Variants in PRKCZ observed in about 807,000 individuals in gnomAD.
PRKCZ encodes the protein protein kinase C zeta type.
In PRKCZ, 33 loss-of-function variants were observed where a neutral mutation model predicts 79.5. The ratio of observed to expected loss-of-function variants is 0.41; its 90% CI spans 0.31 to 0.55. The LOEUF (loss-of-function observed/expected upper bound fraction) is 0.55. Among genes scored for constraint, PRKCZ ranks in the 20% least tolerant of loss-of-function variants. The pLI, the probability that PRKCZ is intolerant of heterozygous loss-of-function variation, is 0.19. For missense variants in PRKCZ, 578 were observed against 813.5 expected, an observed-to-expected ratio of 0.71 and a Z score of 3.52; for synonymous variants, 342 against 320.9, an observed-to-expected ratio of 1.07 and a Z score of -0.70.
intron 1 of PRKCZ, 155 bp downstream of exon 1, chr1:2,050,856 G>T (rs1260109580): frequency 4.6e-6 from 2 of 436,372 alleles, no homozygotes; most frequent in Admixed American, 4.6e-5. Flanking sequence ...GTCCCCGCCC[G>T]TGAGCGTCAC....
At chr1:2,184,497 T>C in intron 16 of PRKCZ, 86 bp from the exon 17 acceptor site, 1 of 938,108 alleles carries the variant, frequency 1.1e-6, no homozygotes, top group East Asian at 2.7e-5. Context: ...ACTGTTTCAT[T>C]TTGTGATTGA....
chr1:2,139,568 G>A (rs1006934047), intron 5 of PRKCZ, among the ~76,000 whole-genome samples: 2 of 152,122 alleles, frequency 1.3e-5, no homozygotes, highest in African/African-American at 4.8e-5. Context: ...CAGCCTGGGC[G>A]ACAGAGCAGG....
chr1:2,099,610 G>A lies in PRKCZ; in HGVS notation c.335-35652G>A, dbSNP rs368784192. On this transcript the variant is annotated intron_variant, in intron 4 of 17. Coordinates refer to ENST00000378567, the MANE Select transcript of PRKCZ (RefSeq NM_002744.6). ...GGCAGCAAGGACCCTGTGGGCAGCC[G>A]GGGGCACGGCACAGGCTGTGGCTGT... 1.8e-4 allele frequency among the ~76,000 whole-genome samples: 27 copies of A among 152,300 alleles called. No individual in the cohort carries two copies. In the South Asian group the frequency reaches 5.2e-3, roughly 29 times the overall value.
At chr1:2,105,094 G>A (rs371769859) in intron 4 of PRKCZ, among the ~76,000 whole-genome samples, 3 of 152,146 alleles carry the variant, frequency 2.0e-5, no homozygotes, top group African/African-American at 7.2e-5. Context: ...CACAGCACAC[G>A]TCTGTCGTGC....
chr1:2,086,218 C>T (rs762418157), intron 4 of PRKCZ, among the ~76,000 whole-genome samples: 6 of 152,036 alleles, frequency 3.9e-5, no homozygotes, highest in Non-Finnish European at 8.8e-5. Flanking sequence ...CCTGCCACCA[C>T]GCCCAGCTAA....
chr1:2,156,180 C>G (rs1295897980), intron 10 of PRKCZ, 88 bp downstream of exon 10: 1 of 1,268,500 alleles, frequency 7.9e-7, no homozygotes, highest in Non-Finnish European at 1.1e-6. Context: ...TGTCAACTGT[C>G]ACCTGTAAGG....
rs189217655 is a variant in PRKCZ at position 2,115,194 on chromosome 1, C to T, written c.335-20068C>T. On this transcript the variant is annotated intron_variant, in intron 4 of 17. Coordinates refer to ENST00000378567, the MANE Select transcript of PRKCZ (RefSeq NM_002744.6). ...GTCGGGCCCCTGTGTGGGGCTTTCC[C>T]GTGGTGTGGGGTGCGGTTCTGCCGT... is the stretch of plus-strand genomic sequence containing the variant. Among the ~76,000 whole-genome samples the T allele has an allele frequency of 1.1e-3, 168 of 152,394 alleles. 2 individuals are homozygous for T. Among genetic ancestry groups the T allele is most frequent in the African/African-American group, 3.9e-3 (163 of 41,598 alleles).
Position 2,121,646 on chromosome 1 carries a change from G to C in PRKCZ, c.335-13616G>C, listed in dbSNP as rs543924374. Among the ~76,000 whole-genome samples the C allele has an allele frequency of 2.3e-4, 28 of 121,714 alleles. 4 individuals are homozygous for C. The highest frequency in any genetic ancestry group is 1.0e-3 in the African/African-American group (26 of 25,672). The allele number at this position is 121,714 out of a possible 152,430, so 79.8% of individuals were successfully genotyped here. A position where few individuals can be genotyped will look rare whatever the true frequency, so the allele number is the denominator to read the frequency against. On this transcript the variant is annotated intron_variant, in intron 4 of 17. Coordinates refer to ENST00000378567, the MANE Select transcript of PRKCZ (RefSeq NM_002744.6). The stretch of plus-strand genomic sequence containing the variant: ...TGGTTAGGGTCACAGTGGTAGTTAG[G>C]GTCACGGTGGTGGTTAGGGTCGTGG...
intron 4 of PRKCZ, among the ~76,000 whole-genome samples, chr1:2,087,388 T>A (rs953801121): frequency 1.3e-5 from 2 of 151,900 alleles, no homozygotes; most frequent in African/African-American, 4.8e-5. Flanking sequence ...CGGCCCCCAT[T>A]CTTGTTTATT....
Position 2,082,122 on chromosome 1 carries a change from G to A in PRKCZ, c.334+22531G>A, listed in dbSNP as rs775665890. On this transcript the variant is annotated intron_variant, in intron 4 of 17. Transcript: ENST00000378567. This position sits in a 1 kb window ranked among gnomAD's most constrained non-coding sequence, Gnocchi z 4.4. Reference sequence around the variant, plus strand: ...AAGGCGCCTAAGTGTCTTTCCACACGGCCATCCGAGGGCGGACGTGGTCAG... The same window carrying A: ...AAGGCGCCTAAGTGTCTTTCCACACAGCCATCCGAGGGCGGACGTGGTCAG... 10 of 317,498 alleles carry A rather than the reference G, an allele frequency of 3.1e-5. No homozygotes were observed. The highest frequency in any genetic ancestry group is 4.8e-5 in the Admixed American group (1 of 20,990). The allele number at this position is 317,498 out of a possible 1,614,324, so 19.7% of individuals were successfully genotyped here.
At chr1:2,145,596 A>T (rs1678333163) in intron 6 of PRKCZ, 1 of 180,998 alleles carries the variant, frequency 5.5e-6, no homozygotes, top group South Asian at 1.0e-4. Flanking sequence ...ACCCATTGTA[A>T]TGTGTAAATA....
chr1:2,158,456 G>C (rs1681552031), intron 10 of PRKCZ, among the ~76,000 whole-genome samples: 1 of 152,226 alleles, frequency 6.6e-6, no homozygotes, highest in Non-Finnish European at 1.5e-5. Flanking sequence ...TGACGGCTCT[G>C]TCCCCTTTCC....
chr1:2,118,593 T>A (rs1671215911), intron 4 of PRKCZ, among the ~76,000 whole-genome samples: 1 of 152,252 alleles, frequency 6.6e-6, no homozygotes, highest in Admixed American at 6.5e-5. Context: ...TGCTTCGGCC[T>A]CCCAAAGTGC....
At chr1:2,083,012 C>G (rs138107574) in intron 4 of PRKCZ, among the ~76,000 whole-genome samples, 13 of 152,272 alleles carry the variant, frequency 8.5e-5, no homozygotes, top group Middle Eastern at 3.4e-3. Context: ...TCCCTCTCCT[C>G]ATGTCCTAAT....
intron 6 of PRKCZ, chr1:2,145,404 CAG>C (rs1185969449): frequency 1.3e-5 from 2 of 152,340 alleles, no homozygotes; most frequent in South Asian, 2.1e-4. Flanking sequence ...AGCTTTGGGA[CAG>C]GGGAGATGAC....
At chr1:2,056,369 A>T in intron 2 of PRKCZ, 115 bp from the exon 3 acceptor site, 2 of 930,878 alleles carry the variant, frequency 2.1e-6, no homozygotes, top group Non-Finnish European at 3.2e-6. Flanking sequence ...GGCCAGTCTG[A>T]GCATCGGGAC....
chr1:2,109,569 C>T lies in PRKCZ; in HGVS notation c.335-25693C>T, dbSNP rs993057629. Among the ~76,000 whole-genome samples the T allele has an allele frequency of 5.3e-5, 8 of 152,186 alleles. No homozygotes were observed. In the South Asian group the frequency reaches 1.2e-3, roughly 24 times the overall value. On this transcript the variant is annotated intron_variant, in intron 4 of 17. Transcript: ENST00000378567. ...AGCCAGGTGTGGGTCCGGCTGTGGGCGGAGGGGGTCACACGGGGCCGAGTG... is the reference window on the plus strand; with the variant it reads ...AGCCAGGTGTGGGTCCGGCTGTGGGTGGAGGGGGTCACACGGGGCCGAGTG...
chr1:2,073,430 C>G (rs932466865), intron 4 of PRKCZ: 1 of 165,826 alleles, frequency 6.0e-6, no homozygotes, highest in South Asian at 2.0e-4. Context: ...TCACTCGCCA[C>G]GGCCACAGCT....
Position 2,094,691 on chromosome 1 carries a change from CGCTGTGCCCGGCTCGTTG to C in PRKCZ, c.334+35101_334+35118del, listed in dbSNP as rs1666142790. Among the ~76,000 whole-genome samples, 1 of 146,676 alleles carries C rather than the reference CGCTGTGCCCGGCTCGTTG, an allele frequency of 6.8e-6. No homozygotes were observed. Among genetic ancestry groups the C allele is most frequent in the African/African-American group, 2.5e-5 (1 of 39,274 alleles). On this transcript the variant is annotated intron_variant, in intron 4 of 17. Coordinates refer to ENST00000378567, the MANE Select transcript of PRKCZ (RefSeq NM_002744.6). The surrounding 1 kb of genome is among the most constrained non-coding windows in gnomAD (Gnocchi z 7.3). ...TGGGCGCTGCCCGTTCTGAGGCGCC[CGCTGTGCCCGGCTCGTTG>C]AACCTTGGGCGCTGCCCGTTCTGAG...
Sources: allele counts gnomAD v4.1 joint callset (sites outside exome capture counted in the v4.1 genomes callset), GRCh38; gene constraint gnomAD v4.1.1; non-coding constraint Gnocchi (gnomAD v3.1); transcripts MANE v1.5; gene names NCBI Gene and HGNC (gene_info 2026-07-23, HGNC 2026-07-21).